Variants in RUFY3 observed in about 807,000 individuals in gnomAD.
RUFY3 encodes protein RUFY3.
Under a neutral mutation model 84.0 loss-of-function variants are expected in RUFY3, and 34 were observed. That is an observed-to-expected ratio of 0.40 (90% confidence interval 0.31 to 0.54). The LOEUF (loss-of-function observed/expected upper bound fraction) is 0.54, where lower values mean the gene tolerates loss of function less well. RUFY3 is among the 20% of genes least tolerant of loss of function. RUFY3 has a pLI of 0.39. For missense variants in RUFY3, 507 were observed against 736.8 expected, an observed-to-expected ratio of 0.69 and a Z score of 3.61; for synonymous variants, 242 against 252.9, an observed-to-expected ratio of 0.96 and a Z score of 0.41.
At chr4:70,724,486 T>C (rs1717894671) in intron 1 of RUFY3, among the ~76,000 whole-genome samples, 1 of 152,240 alleles carries the variant, frequency 6.6e-6, no homozygotes, top group Non-Finnish European at 1.5e-5. Flanking sequence ...TAAGCGTTTT[T>C]AGCAGCGCCA....
chr4:70,748,678 T>G (rs753802704), intron 1 of RUFY3, among the ~76,000 whole-genome samples: 11 of 152,196 alleles, frequency 7.2e-5, no homozygotes, highest in Admixed American at 2.6e-4. Context: ...TGCCAGTTCT[T>G]CTTGGACCAG....
intron 1 of RUFY3, among the ~76,000 whole-genome samples, chr4:70,736,426 A>T (rs1045266965): frequency 6.6e-6 from 1 of 152,186 alleles, no homozygotes; most frequent in African/African-American, 2.4e-5. Flanking sequence ...TTGCAAACTC[A>T]AAATTTTATA....
At position 70,741,574 on chromosome 4, in the gene RUFY3, G is replaced by T; in HGVS notation, c.178+18823G>T. ...TGTTTTTAATAGCACTTTTCTTTCTGGGCTTGCATGACATTTTATCTTTCT... is the reference window on the plus strand; with the variant it reads ...TGTTTTTAATAGCACTTTTCTTTCTTGGCTTGCATGACATTTTATCTTTCT... On this transcript the variant is annotated intron_variant, in intron 1 of 17. Coordinates refer to ENST00000381006, the MANE Select transcript of RUFY3 (RefSeq NM_001037442.4). The T allele has an allele frequency of 5.5e-6, 8 of 1,448,292 alleles. No homozygotes were observed. The South Asian group carries it at 9.1e-5, about 17-fold the overall frequency. The allele number at this position is 1,448,292 out of a possible 1,614,324, so 89.7% of individuals were successfully genotyped here.
intron 12 of RUFY3, chr4:70,792,494 C>CT: frequency 1.0e-6 from 1 of 984,944 alleles, no homozygotes; most frequent in Non-Finnish European, 1.2e-6. Flanking sequence ...GTAAATAATC[C>CT]TATAAACAGT....
intron 17 of RUFY3, among the ~76,000 whole-genome samples, chr4:70,805,916 C>T (rs1441478199): frequency 6.6e-6 from 1 of 152,180 alleles, no homozygotes; most frequent in Admixed American, 6.5e-5. Context: ...GCTATAGTGA[C>T]TTCTTGCTCT....
chr4:70,708,365 A>G lies in RUFY3; in HGVS notation c.358+3071A>G, dbSNP rs1043614196. Among the ~76,000 whole-genome samples the G allele has an allele frequency of 4.0e-5, 6 of 151,626 alleles. 1 individual carries two copies. The highest frequency in any genetic ancestry group is 1.5e-4 in the African/African-American group (6 of 41,348). On this transcript the variant is annotated intron_variant, in intron 1 of 11. Coordinates refer to the RUFY3 transcript ENST00000417478. ...TTTTTTTTGTATTTTAGTAGAGACC[A>G]TGTTGGCCAGGCTGCTCTCGAACTA...
intron 1 of RUFY3, among the ~76,000 whole-genome samples, chr4:70,729,365 T>C (rs1718828889): frequency 6.6e-6 from 1 of 152,158 alleles, no homozygotes; most frequent in Non-Finnish European, 1.5e-5. Flanking sequence ...CACACAATTC[T>C]CCTGCCTCAG....
chr4:70,746,103 G>T (rs938510365), intron 1 of RUFY3, among the ~76,000 whole-genome samples: 1 of 152,018 alleles, frequency 6.6e-6, no homozygotes, highest in Non-Finnish European at 1.5e-5. Context: ...TAGCACTTTG[G>T]GATGCCAAGG....
intron 8 of RUFY3, among the ~76,000 whole-genome samples, chr4:70,781,913 GT>G (rs1204115374): frequency 3.9e-5 from 6 of 152,140 alleles, no homozygotes; most frequent in African/African-American, 1.2e-4. Context: ...AGAAAAAAGT[GT>G]TTCCACCTTA....
intron 5 of RUFY3, among the ~76,000 whole-genome samples, chr4:70,771,807 G>C (rs1014352279): frequency 6.6e-6 from 1 of 152,164 alleles, no homozygotes; most frequent in Admixed American, 6.5e-5. Flanking sequence ...TGGGATTACA[G>C]GCATGAGCCA....
chr4:70,803,484 TACTC>T (rs527334107), intron 16 of RUFY3, among the ~76,000 whole-genome samples: 7 of 151,940 alleles, frequency 4.6e-5, no homozygotes, highest in East Asian at 3.9e-4. Context: ...GATAAGGTCT[TACTC>T]ACATTGCCCA....
At chr4:70,799,180 T>C (rs1380573516) in intron 14 of RUFY3, among the ~76,000 whole-genome samples, 1 of 148,254 alleles carries the variant, frequency 6.7e-6, no homozygotes, top group Non-Finnish European at 1.5e-5. Context: ...AAAAAAGAAA[T>C]GCAGTTTGAA....
chr4:70,744,218 A>G (rs1721776827), intron 1 of RUFY3, among the ~76,000 whole-genome samples: 2 of 151,834 alleles, frequency 1.3e-5, no homozygotes, highest in South Asian at 4.2e-4. Context: ...TATTTTTTTG[A>G]GACGAGGTAT....
chr4:70,768,443 A>C (rs2148722765), intron 4 of RUFY3, 95 bp from the exon 5 acceptor site: 2 of 1,122,098 alleles, frequency 1.8e-6, no homozygotes, highest in East Asian at 2.4e-5. Context: ...AACCATGATG[A>C]CTATGATTCA....
At chr4:70,717,683 G>A (rs894450251), upstream of RUFY3, among the ~76,000 whole-genome samples, 6 of 151,906 alleles carry the variant, frequency 3.9e-5, no homozygotes, top group Non-Finnish European at 8.8e-5. Flanking sequence ...ATAGAGTGCT[G>A]AAGTTGCAGA....
intron 11 of RUFY3, 72 bp downstream of exon 11, chr4:70,789,045 T>A (rs540868592): frequency 6.5e-7 from 1 of 1,547,608 alleles, no homozygotes; most frequent in African/African-American, 1.4e-5. Context: ...CATCTGATCC[T>A]CCAGAATCAC....
chr4:70,778,078 CA>C (rs1430696976), intron 7 of RUFY3, among the ~76,000 whole-genome samples: 1 of 151,964 alleles, frequency 6.6e-6, no homozygotes, highest in Non-Finnish European at 1.5e-5. Flanking sequence ...CCAAAAAATA[CA>C]AAAATTAGCT....
At chr4:70,792,426 T>A (rs1730968705) in intron 12 of RUFY3, 1 of 984,048 alleles carries the variant, frequency 1.0e-6, no homozygotes, top group African/African-American at 1.7e-5. Context: ...ACAAGCAATA[T>A]TAGCAGGGCT....
At chr4:70,744,283 C>T (rs1303466167) in intron 1 of RUFY3, among the ~76,000 whole-genome samples, 2 of 151,848 alleles carry the variant, frequency 1.3e-5, no homozygotes, top group Admixed American at 6.6e-5. Flanking sequence ...CCTGCAGCCT[C>T]GAACTCCCAG....
Sources: gnomAD v4.1 joint callset for allele counts (sites outside exome capture counted in the v4.1 genomes callset) on GRCh38, gnomAD v4.1.1 for gene constraint, MANE v1.5 for transcripts, NCBI Gene and HGNC (gene_info 2026-07-23, HGNC 2026-07-21) for gene names.